The following C5orf34 variants were observed in gnomAD, a reference collection of about 807,000 sequenced individuals.
C5orf34 encodes uncharacterized protein C5orf34.
C5orf34 carries 73 observed loss-of-function variants against 78.4 expected under a neutral mutation model. That is an observed-to-expected ratio of 0.93 (90% confidence interval 0.77 to 1.13). The LOEUF (loss-of-function observed/expected upper bound fraction) is 1.13. Among genes scored for constraint, C5orf34 ranks in the 50% most tolerant of loss-of-function variants. C5orf34 has a pLI of 0.00. For synonymous variants in C5orf34, 251 were observed against 246.6 expected (o/e 1.02, Z -0.17); for missense variants, 730 against 732.7 (o/e 1.00, Z 0.04).
At chr5:43,490,558 T>A in intron 11 of C5orf34, 73 bp downstream of exon 11, 1 of 974,140 alleles carries the variant, frequency 1.0e-6, no homozygotes, top group Non-Finnish European at 1.6e-6. Context: ...AAGTCTCAGT[T>A]TACCATTTGA....
In C5orf34 at chr5:43,486,937, A is replaced by T. The variant is rs548312003; in HGVS notation, c.1895T>A (p.Leu632His). 1 of 1,534,934 alleles carries T rather than the reference A, an allele frequency of 6.5e-7. No homozygotes were observed. The highest frequency in any genetic ancestry group is 1.3e-5 in the South Asian group (1 of 78,184). ...TTTTCACTTTTTAGAGTTTGATAGA[A>T]GACAGTCAATATCGTGAAGGATTTC... is the stretch of plus-strand genomic sequence containing the variant. ...TSEILHDIDC[L>H]LSNSKK is the part of the protein sequence containing the mutation. The change falls in exon 13 of 13, where the codon CTT (leucine) becomes CAT (histidine). Residue 632 changes from leucine to histidine, a missense_variant. Coordinates refer to ENST00000306862, the MANE Select transcript of C5orf34 (RefSeq NM_198566.4).
chr5:43,502,824 G>A (rs1486538372), intron 5 of C5orf34, among the ~76,000 whole-genome samples: 3 of 152,140 alleles, frequency 2.0e-5, no homozygotes, highest in African/African-American at 7.2e-5. Flanking sequence ...AATGTCTATT[G>A]CATACGTGTT....
rs144106185 is a variant in C5orf34 at position 43,500,116 on chromosome 5, C to T, written c.1152+2256G>A. Among the ~76,000 whole-genome samples the T allele has an allele frequency of 6.5e-3, 996 of 152,236 alleles. 52 individuals carry two copies. The highest frequency in any genetic ancestry group is 0.058 in the Admixed American group (891 of 15,284). On this transcript the variant is annotated intron_variant, in intron 6 of 12. Transcript: ENST00000306862. Reference sequence around the variant, plus strand: ...TTCCCACACCCTTCCCAGCAGATGTCATCAGTCTTTTTAGTTATTGGCAAT... The same window carrying T: ...TTCCCACACCCTTCCCAGCAGATGTTATCAGTCTTTTTAGTTATTGGCAAT...
At chr5:43,488,210 G>A in intron 11 of C5orf34, 2 of 469,778 alleles carry the variant, frequency 4.3e-6, no homozygotes, top group East Asian at 3.6e-5. Flanking sequence ...ATTGATGTTT[G>A]AGGATAATGG....
intron 1 of C5orf34, among the ~76,000 whole-genome samples, chr5:43,513,303 C>G (rs1336400762): frequency 1.3e-5 from 2 of 152,058 alleles, no homozygotes; most frequent in Non-Finnish European, 2.9e-5. Flanking sequence ...AGACCGCTCT[C>G]TATGTCCCTG....
At position 43,509,202 on chromosome 5, in the gene C5orf34, A is replaced by C; in HGVS notation, c.138T>G (p.Pro46=). 6.2e-7 allele frequency: 1 copy of C among 1,614,148 alleles called. No homozygotes were observed. The highest frequency in any genetic ancestry group is 1.3e-5 in the African/African-American group (1 of 75,060). ...GACGAATTCTTTCTGGTTGTTCTAA[A>C]GGATGTGCTGAAACAGGTGGTGACT... ...FEKSPPVSAH[P]LEQPERIRQR... Residue 46 remains proline, a synonymous_variant, in exon 2 of 13, where the codon CCT becomes CCG. Transcript: ENST00000306862.
intron 6 of C5orf34, chr5:43,496,251 T>A: frequency 1.3e-6 from 2 of 1,581,724 alleles, no homozygotes; most frequent in African/African-American, 2.7e-5. Flanking sequence ...TGATACCACG[T>A]TCACGCTCAG....
At chr5:43,504,146 A>T (rs1745881258) in intron 4 of C5orf34, among the ~76,000 whole-genome samples, 1 of 152,154 alleles carries the variant, frequency 6.6e-6, no homozygotes, top group South Asian at 2.1e-4. Context: ...ACCCGTCTCT[A>T]CTAAAAATAC....
rs1405358351 is a variant in C5orf34 at position 43,502,367 on chromosome 5, C to T, written c.1152+5G>A. The T allele has an allele frequency of 6.2e-7, 1 of 1,611,030 alleles. No homozygotes were observed. The highest frequency in any genetic ancestry group is 1.7e-5 in the Admixed American group (1 of 59,566). On this transcript the variant is annotated splice_donor_5th_base_variant and intron_variant, in intron 6 of 12. Coordinates refer to ENST00000306862, the MANE Select transcript of C5orf34 (RefSeq NM_198566.4). ...CTTCTTGAGTTGAGTTCATTGTTGG[C>T]TTACCTTTCCTGATCCTTCTTGAAT...
intron 11 of C5orf34, 47 bp from the exon 12 acceptor site, chr5:43,487,996 G>A (rs765060796): frequency 2.4e-5 from 36 of 1,478,834 alleles, no homozygotes; most frequent in Non-Finnish European, 3.2e-5. Context: ...TGATTCTTTT[G>A]TATTCATGAT....
chr5:43,494,555 G>A lies in C5orf34; in HGVS notation c.1199C>T (p.Pro400Leu), dbSNP rs371853399. Residue 400 changes from proline to leucine, a missense_variant, in exon 7 of 13, where the codon CCG becomes CTG. Physicochemically the swap from Pro to Leu is moderately conservative, Grantham distance 98. Coordinates refer to ENST00000306862, the MANE Select transcript of C5orf34 (RefSeq NM_198566.4). ...YSVNNLPPDR[P>L]GSPFTVGSLI... Reference sequence around the variant, plus strand: ...AGAACCGACAGTGAATGGACTTCCCGGTCTATCTGGAGGAAGGTTATTTAC... The same window carrying A: ...AGAACCGACAGTGAATGGACTTCCCAGTCTATCTGGAGGAAGGTTATTTAC... 158 of 1,607,586 alleles carry A rather than the reference G, an allele frequency of 9.8e-5. 1 individual carries two copies. The highest frequency in any genetic ancestry group is 3.3e-4 in the Middle Eastern group (2 of 6,066).
chr5:43,502,537 A>C, intron 5 of C5orf34, 42 bp from the exon 6 acceptor site: 1 of 1,192,296 alleles, frequency 8.4e-7, no homozygotes. Flanking sequence ...TTTCCACTTG[A>C]GATTAAAACA....
chr5:43,503,840 G>A (rs562825986), intron 4 of C5orf34, 80 bp from the exon 5 acceptor site: 23 of 847,744 alleles, frequency 2.7e-5, no homozygotes, highest in African/African-American at 1.5e-4. Flanking sequence ...TGTTGCTACT[G>A]TAACAGGATT....
At chr5:43,487,995 T>C in intron 11 of C5orf34, 46 bp from the exon 12 acceptor site, 1 of 1,490,460 alleles carries the variant, frequency 6.7e-7, no homozygotes, top group Non-Finnish European at 9.2e-7. Context: ...CTGATTCTTT[T>C]GTATTCATGA....
At chr5:43,508,225 GT>G (rs1227930851) in intron 3 of C5orf34, among the ~76,000 whole-genome samples, 1 of 152,090 alleles carries the variant, frequency 6.6e-6, no homozygotes, top group Non-Finnish European at 1.5e-5. Context: ...GTAAATGACA[GT>G]TATTATTCCT....
At position 43,502,549 on chromosome 5, in the gene C5orf34, G is replaced by A. The variant is rs532521080; in HGVS notation, c.1029-54C>T. The A allele has an allele frequency of 9.6e-6, 10 of 1,038,238 alleles. No homozygotes were observed. The Admixed American group carries it at 1.2e-4, about 12-fold the overall frequency. The allele number at this position is 1,038,238 out of a possible 1,614,324, so 64.3% of individuals were successfully genotyped here. On this transcript the variant is annotated intron_variant, in intron 5 of 12. Transcript: ENST00000306862. ...TTTTTTCCACTTGAGATTAAAACAT[G>A]CATGAAGATAGTCATCAAAAAACAG... is the stretch of plus-strand genomic sequence containing the variant.
intron 1 of C5orf34, chr5:43,510,958 G>A: frequency 4.6e-6 from 1 of 217,588 alleles, no homozygotes; most frequent in South Asian, 5.8e-5. Flanking sequence ...GAAGTGAAGA[G>A]CACCTCTTCC....
At chr5:43,503,839 T>C (rs753560643) in intron 4 of C5orf34, 79 bp from the exon 5 acceptor site, 10 of 849,652 alleles carry the variant, frequency 1.2e-5, no homozygotes, top group Admixed American at 9.7e-5. Context: ...ATGTTGCTAC[T>C]GTAACAGGAT....
chr5:43,487,706 CAAAG>C (rs1745121958), intron 12 of C5orf34, among the ~76,000 whole-genome samples, 199 bp downstream of exon 12: 1 of 152,030 alleles, frequency 6.6e-6, no homozygotes, highest in African/African-American at 2.4e-5. Flanking sequence ...AATTTAAACT[CAAAG>C]AAAAGTATAA....
Sources: gnomAD v4.1 joint callset for allele counts (sites outside exome capture counted in the v4.1 genomes callset) on GRCh38, gnomAD v4.1.1 for gene constraint, MANE v1.5 for transcripts, NCBI Gene and HGNC (gene_info 2026-07-23, HGNC 2026-07-21) for gene names.